The following ATG5 variants were observed in gnomAD, a reference collection of about 807,000 sequenced individuals.
ATG5 encodes the protein autophagy protein 5.
A neutral mutation model predicts 36.5 loss-of-function variants in ATG5; 14 were observed. The ratio of observed to expected loss-of-function variants is 0.38; its 90% CI spans 0.25 to 0.60. The LOEUF (loss-of-function observed/expected upper bound fraction) is 0.60. Among genes scored for constraint, ATG5 ranks in the 20% least tolerant of loss-of-function variants. The probability of loss-of-function intolerance (pLI) is 0.60; values close to 1 mark genes in which losing one functional copy is unlikely to be tolerated. For missense variants in ATG5, 195 were observed against 326.7 expected (o/e 0.60, Z 3.11); for synonymous variants, 95 against 101.5 (o/e 0.94, Z 0.38).
intron 1 of ATG5, among the ~76,000 whole-genome samples, chr6:106,323,884 T>G (rs772272390): frequency 6.6e-6 from 1 of 152,210 alleles, no homozygotes; most frequent in Non-Finnish European, 1.5e-5. Flanking sequence ...CATTTCCACC[T>G]AAGTATCCAC....
intron 2 of ATG5, 123 bp from the exon 3 acceptor site, chr6:106,308,614 A>T (rs1770536525): frequency 5.7e-6 from 4 of 706,250 alleles, no homozygotes; most frequent in Non-Finnish European, 8.6e-6. Context: ...AATATCCCAC[A>T]CAAAGTCTAC....
intron 6 of ATG5, among the ~76,000 whole-genome samples, chr6:106,244,654 T>C (rs1248643245): frequency 6.6e-6 from 1 of 152,368 alleles, no homozygotes; most frequent in East Asian, 1.9e-4. Context: ...GTTCCAATGT[T>C]ATATTTGTAT....
intron 5 of ATG5, among the ~76,000 whole-genome samples, chr6:106,277,861 A>ATTT (rs1779722826): frequency 2.0e-5 from 3 of 152,214 alleles, no homozygotes. Context: ...GAACAATAAC[A>ATTT]AGTTAAAAGA....
intron 5 of ATG5, among the ~76,000 whole-genome samples, chr6:106,264,370 G>T (rs1051378881): frequency 6.6e-5 from 10 of 152,130 alleles, no homozygotes; most frequent in Middle Eastern, 3.2e-3. Flanking sequence ...TACAATCGGT[G>T]TACCTGAAAA....
chr6:106,294,632 C>T (rs1780458126), intron 3 of ATG5, among the ~76,000 whole-genome samples: 1 of 149,970 alleles, frequency 6.7e-6, no homozygotes, highest in African/African-American at 2.5e-5. Context: ...AGACCAGTTC[C>T]AGTACCTGAG....
At chr6:106,215,249 G>A (rs902375489) in intron 6 of ATG5, among the ~76,000 whole-genome samples, 1 of 152,146 alleles carries the variant, frequency 6.6e-6, no homozygotes, top group African/African-American at 2.4e-5. Flanking sequence ...GACCTCAAAA[G>A]TGAAATTCTG....
intron 2 of ATG5, among the ~76,000 whole-genome samples, chr6:106,310,012 T>G (rs1479126630): frequency 6.6e-6 from 1 of 152,114 alleles, no homozygotes; most frequent in African/African-American, 2.4e-5. Flanking sequence ...TTGGCTTCAC[T>G]CAAAATTGCT....
chr6:106,256,848 TG>T (rs1778820550), intron 5 of ATG5, among the ~76,000 whole-genome samples: 1 of 152,212 alleles, frequency 6.6e-6, no homozygotes, highest in Non-Finnish European at 1.5e-5. Context: ...CTGTAGACTT[TG>T]TAAACACTGT....
At chr6:106,214,453 C>G (rs1455220964) in intron 6 of ATG5, among the ~76,000 whole-genome samples, 1 of 152,096 alleles carries the variant, frequency 6.6e-6, no homozygotes, top group Non-Finnish European at 1.5e-5. Flanking sequence ...GTCTTGACAA[C>G]ACTAAAAAAT....
intron 5 of ATG5, among the ~76,000 whole-genome samples, chr6:106,263,703 C>T (rs1052054189): frequency 6.6e-6 from 1 of 152,098 alleles, no homozygotes; most frequent in African/African-American, 2.4e-5. Flanking sequence ...ACTGGTGATA[C>T]CCAGGCGAAC....
chr6:106,224,116 G>A (rs1041465567), intron 6 of ATG5, among the ~76,000 whole-genome samples: 2 of 152,230 alleles, frequency 1.3e-5, no homozygotes, highest in Non-Finnish European at 2.9e-5. Flanking sequence ...AACTTTAGAA[G>A]CACTCTGGGA....
chr6:106,289,334 G>C (rs1780211074), intron 4 of ATG5, among the ~76,000 whole-genome samples: 1 of 151,950 alleles, frequency 6.6e-6, no homozygotes, highest in South Asian at 2.1e-4. Flanking sequence ...AATTAAACAT[G>C]TGAAGACAAC....
chr6:106,189,922 T>C (rs905180683), intron 7 of ATG5, among the ~76,000 whole-genome samples: 5 of 152,186 alleles, frequency 3.3e-5, no homozygotes, highest in Non-Finnish European at 7.3e-5. Flanking sequence ...TAGTTCTATA[T>C]GAACTTCTTT....
At chr6:106,194,536 T>C (rs1278590174) in intron 7 of ATG5, among the ~76,000 whole-genome samples, 3 of 149,404 alleles carry the variant, frequency 2.0e-5, no homozygotes, top group Non-Finnish European at 3.0e-5. Flanking sequence ...TTCTTTTCTT[T>C]TTCTTTTTCT....
intron 2 of ATG5, among the ~76,000 whole-genome samples, chr6:106,311,943 G>T (rs561234688): frequency 4.6e-5 from 7 of 151,470 alleles, no homozygotes; most frequent in Non-Finnish European, 1.0e-4. Flanking sequence ...TGATTCTCCT[G>T]CCTCAGTCTC....
chr6:106,291,638 C>A (rs1018997485), intron 4 of ATG5, among the ~76,000 whole-genome samples: 8 of 152,052 alleles, frequency 5.3e-5, no homozygotes, highest in Non-Finnish European at 8.8e-5. Context: ...ATTTTTCACA[C>A]ACAAAAAAAT....
intron 7 of ATG5, among the ~76,000 whole-genome samples, chr6:106,201,247 T>C (rs765214986): frequency 1.0e-4 from 15 of 150,498 alleles, no homozygotes; most frequent in Non-Finnish European, 1.9e-4. Context: ...ATTATACACA[T>C]ATGTATATCT....
chr6:106,203,867 T>C (rs1051912232), intron 6 of ATG5, among the ~76,000 whole-genome samples: 1 of 152,182 alleles, frequency 6.6e-6, no homozygotes, highest in Non-Finnish European at 1.5e-5. Flanking sequence ...TGTCTTTTAA[T>C]GACAGAGGTA....
chr6:106,229,237 T>C (rs966911387), intron 6 of ATG5, among the ~76,000 whole-genome samples: 1 of 152,262 alleles, frequency 6.6e-6, no homozygotes, highest in Non-Finnish European at 1.5e-5. Flanking sequence ...ATCTAGGCTA[T>C]AAACCCAGGG....
Sources: allele counts gnomAD v4.1 joint callset (sites outside exome capture counted in the v4.1 genomes callset), GRCh38; gene constraint gnomAD v4.1.1; transcripts MANE v1.5; gene names NCBI Gene and HGNC (gene_info 2026-07-23, HGNC 2026-07-21).